The following RBKS variants were observed in gnomAD, a reference collection of about 807,000 sequenced individuals.
RBKS encodes ribokinase.
A neutral mutation model predicts 33.9 loss-of-function variants in RBKS; 33 were observed. That is an observed-to-expected ratio of 0.97 (90% CI 0.74 to 1.30). The LOEUF (loss-of-function observed/expected upper bound fraction) is 1.30. Among genes scored for constraint, RBKS ranks in the 50% most tolerant of loss-of-function variants. The probability of loss-of-function intolerance (pLI) is 0.00; values close to 1 mark genes in which losing one functional copy is unlikely to be tolerated. For synonymous variants in RBKS, 125 were observed against 143.0 expected, an observed-to-expected ratio of 0.87 and a Z score of 0.90; for missense variants, 361 against 392.6, an observed-to-expected ratio of 0.92 and a Z score of 0.68.
chr2:27,789,951 ATATATATATATATATATATATG>A (rs1677485868), intron 7 of RBKS, among the ~76,000 whole-genome samples: 1 of 111,400 alleles, frequency 9.0e-6, no homozygotes, highest in Admixed American at 8.9e-5. Flanking sequence ...GTATATGTGT[ATATATATATATATATATATATG>A]TATATATATA....
At position 27,848,037 on chromosome 2, in the gene RBKS, T is replaced by A; in HGVS notation, c.283A>T (p.Thr95Ser). 1 of 1,467,580 alleles carries A rather than the reference T, an allele frequency of 6.8e-7. No individual in the cohort carries two copies. Among genetic ancestry groups the A allele is most frequent in the Non-Finnish European group, 9.4e-7 (1 of 1,060,398 alleles). The allele number at this position is 1,467,580 out of a possible 1,614,324, so 90.9% of individuals were successfully genotyped here. Residue 95 changes from threonine (T) to serine (S), a missense_variant, in exon 3 of 8, where the codon ACA (threonine) becomes TCA (serine). Coordinates refer to ENST00000302188, the MANE Select transcript of RBKS (RefSeq NM_022128.3). ...IENLKQNDISTEFTYQTKDAA... is the reference protein window; with the variant it reads ...IENLKQNDISSEFTYQTKDAA... ...TTAAAAAAGGTGGGAATTTTACCTG[T>A]AGAAATATCATTCTGTTTTAAGTTT...
intron 7 of RBKS, among the ~76,000 whole-genome samples, chr2:27,783,573 G>A (rs1677329743): frequency 6.6e-6 from 1 of 152,062 alleles, no homozygotes; most frequent in African/African-American, 2.4e-5. Context: ...TAACAATTGT[G>A]TTCAGGACAA....
At position 27,851,692 on chromosome 2, in the gene RBKS, T is replaced by A. The variant is rs570025656; in HGVS notation, c.223-3595A>T. Reference sequence around the variant, plus strand: ...TAGCTGGGATTACAGGTGTGCACCATCACACCTGGCTAATTTTTGTACTTT... The same window carrying A: ...TAGCTGGGATTACAGGTGTGCACCAACACACCTGGCTAATTTTTGTACTTT... On this transcript the variant is annotated intron_variant, in intron 2 of 7. Coordinates refer to ENST00000302188, the MANE Select transcript of RBKS (RefSeq NM_022128.3). Among the ~76,000 whole-genome samples the A allele has an allele frequency of 1.7e-4, 26 of 152,064 alleles. 1 individual carries two copies. In the East Asian group the frequency reaches 4.8e-3, roughly 28 times the overall value.
Position 27,783,975 on chromosome 2 carries a change from C to CTTTTTTTTTTT in RBKS, c.796-2198_796-2188dup, listed in dbSNP as rs1161206494. Among the ~76,000 whole-genome samples, 8 of 55,312 alleles carry CTTTTTTTTTTT rather than the reference C, an allele frequency of 1.4e-4. 3 individuals are homozygous for CTTTTTTTTTTT. The highest frequency in any genetic ancestry group is 5.0e-4 in the African/African-American group (8 of 16,134). 36.3% of individuals were successfully genotyped at this position (55,312 alleles called of 152,430 possible). A position where few individuals can be genotyped will look rare whatever the true frequency, so the allele number is the denominator to read the frequency against. ...ATTCAACAGCTCTCAGGGTCATTTT[C>CTTTTTTTTTTT]TTTTTTTTTTTTTTTTTTTTTTTTT... On this transcript the variant is annotated intron_variant, in intron 7 of 7. Transcript: ENST00000302188.
At chr2:27,868,313 A>G (rs1297405299) in intron 1 of RBKS, among the ~76,000 whole-genome samples, 1 of 152,186 alleles carries the variant, frequency 6.6e-6, no homozygotes, top group East Asian at 1.9e-4. Context: ...GCTTAACAAT[A>G]TATTTGTAAG....
intron 7 of RBKS, among the ~76,000 whole-genome samples, chr2:27,825,660 C>A (rs1678297537): frequency 6.6e-6 from 1 of 152,218 alleles, no homozygotes; most frequent in Non-Finnish European, 1.5e-5. Context: ...TCATAGCCCA[C>A]TATGAGGAAG....
intron 1 of RBKS, among the ~76,000 whole-genome samples, chr2:27,875,542 G>C (rs1283746274): frequency 6.6e-6 from 1 of 152,154 alleles, no homozygotes; most frequent in Non-Finnish European, 1.5e-5. Flanking sequence ...GACAGAACTA[G>C]ACCTTGACTC....
At chr2:27,825,966 T>C (rs1023554374) in intron 7 of RBKS, among the ~76,000 whole-genome samples, 1 of 152,204 alleles carries the variant, frequency 6.6e-6, no homozygotes, top group African/African-American at 2.4e-5. Context: ...TTAGTGAAAG[T>C]AGTGTTAGTC....
At chr2:27,876,047 C>T (rs1194145740) in intron 1 of RBKS, among the ~76,000 whole-genome samples, 2 of 152,094 alleles carry the variant, frequency 1.3e-5, no homozygotes, top group African/African-American at 4.8e-5. Context: ...AAAGGAAAAG[C>T]AGTGTTGCTG....
At chr2:27,785,899 T>C (rs1677388954) in intron 7 of RBKS, among the ~76,000 whole-genome samples, 1 of 152,242 alleles carries the variant, frequency 6.6e-6, no homozygotes, top group Admixed American at 6.5e-5. Context: ...TATTGCTGCA[T>C]TATTTTCAAA....
chr2:27,812,346 A>G (rs897543333), intron 7 of RBKS, among the ~76,000 whole-genome samples: 7 of 152,228 alleles, frequency 4.6e-5, no homozygotes, highest in Admixed American at 3.9e-4. Context: ...TGACCCAGCC[A>G]TCCCATTACT....
chr2:27,858,347 C>T, intron 2 of RBKS, 92 bp downstream of exon 2: 1 of 1,358,132 alleles, frequency 7.4e-7, no homozygotes, highest in South Asian at 1.5e-5. Flanking sequence ...ACTGTTCACT[C>T]TAAAATGGTT....
intron 1 of RBKS, 49 bp from the exon 2 acceptor site, chr2:27,858,620 CAATTT>C (rs1331983033): frequency 3.2e-6 from 5 of 1,552,776 alleles, no homozygotes; most frequent in Non-Finnish European, 3.5e-6. Flanking sequence ...TAACTGTAAT[CAATTT>C]AAGTTCTTTA....
At chr2:27,824,957 C>A (rs1323213587) in intron 7 of RBKS, among the ~76,000 whole-genome samples, 1 of 151,916 alleles carries the variant, frequency 6.6e-6, no homozygotes, top group African/African-American at 2.4e-5. Context: ...GGCAACATGG[C>A]AAAACCCTGT....
chr2:27,835,788 T>C (rs553163638), intron 5 of RBKS, among the ~76,000 whole-genome samples: 1 of 152,166 alleles, frequency 6.6e-6, no homozygotes, highest in Non-Finnish European at 1.5e-5. Context: ...TTTACATTTA[T>C]ACACTTACAT....
intron 7 of RBKS, among the ~76,000 whole-genome samples, chr2:27,819,817 T>G (rs1402754986): frequency 6.6e-6 from 1 of 152,252 alleles, no homozygotes; most frequent in African/African-American, 2.4e-5. Flanking sequence ...ATTCTGGTAT[T>G]TCCAAGAAGA....
chr2:27,803,614 A>G (rs925167314), intron 7 of RBKS, among the ~76,000 whole-genome samples: 6 of 151,602 alleles, frequency 4.0e-5, no homozygotes, highest in Non-Finnish European at 7.4e-5. Context: ...TTATTGAGTC[A>G]GGGGGTGGAA....
chr2:27,798,005 G>A (rs558992848), intron 7 of RBKS, among the ~76,000 whole-genome samples: 7 of 152,250 alleles, frequency 4.6e-5, no homozygotes, highest in Admixed American at 1.3e-4. Context: ...GGAGTGGGAG[G>A]CTGCAGTGGA....
intron 7 of RBKS, among the ~76,000 whole-genome samples, chr2:27,819,765 T>C (rs765308060): frequency 2.0e-4 from 31 of 152,256 alleles, no homozygotes; most frequent in Admixed American, 3.3e-4. Context: ...AGATCTGCTG[T>C]ACATTTGAAT....
Sources: gnomAD v4.1 joint callset for allele counts (sites outside exome capture counted in the v4.1 genomes callset) on GRCh38, gnomAD v4.1.1 for gene constraint, MANE v1.5 for transcripts, NCBI Gene and HGNC (gene_info 2026-07-23, HGNC 2026-07-21) for gene names.